The following ANKRD26 variants were observed in gnomAD, a reference collection of about 807,000 sequenced individuals.
ANKRD26 encodes the protein ankyrin repeat domain-containing protein 26.
ANKRD26 carries 141 observed loss-of-function variants against 208.7 expected under a neutral mutation model. The ratio of observed to expected loss-of-function variants is 0.68; its 90% CI spans 0.59 to 0.78. The LOEUF is 0.78. Ranked by LOEUF, ANKRD26 falls within the 30% of genes least tolerant of loss-of-function variation. The probability of loss-of-function intolerance (pLI) is 0.00; values close to 1 mark genes in which losing one functional copy is unlikely to be tolerated. For missense variants in ANKRD26, 1,889 were observed against 1,938.7 expected, an observed-to-expected ratio of 0.97 and a Z score of 0.48; for synonymous variants, 636 against 660.4, an observed-to-expected ratio of 0.96 and a Z score of 0.57.
At chr10:26,962,451 T>G in the ANKRD26 span, among the ~76,000 whole-genome samples, 1 of 151,978 alleles carries the variant, frequency 6.6e-6, no homozygotes, top group South Asian at 2.1e-4. Context: ...GGCGGGTGCC[T>G]GTAATCCCAG....
downstream of ANKRD26, among the ~76,000 whole-genome samples, chr10:26,972,038 A>G (rs899436847): frequency 3.3e-5 from 5 of 152,110 alleles, no homozygotes; most frequent in Admixed American, 1.3e-4. Flanking sequence ...GATCGAGACC[A>G]TCCTGGCTAA....
At chr10:26,992,540 A>AC (rs1288343110) in intron 5 of ANKRD26, among the ~76,000 whole-genome samples, 1 of 151,826 alleles carries the variant, frequency 6.6e-6, no homozygotes, top group Non-Finnish European at 1.5e-5. Context: ...TCCCAGATTT[A>AC]CAGCAAAATG....
chr10:27,007,948 G>A (rs954144021), intron 32 of ANKRD26, among the ~76,000 whole-genome samples: 1 of 151,838 alleles, frequency 6.6e-6, no homozygotes, highest in Non-Finnish European at 1.5e-5. Context: ...TCACAACTTG[G>A]TAGAATTATA....
At chr10:27,061,559 ATT>A (rs11399797) in intron 12 of ANKRD26, among the ~76,000 whole-genome samples, 10,714 of 134,084 alleles carry the variant, frequency 0.08, 409 homozygotes, top group African/African-American at 0.13. Context: ...TGCAACATCT[ATT>A]TTTTTTTTTT....
At chr10:26,992,818 G>A (rs1456389670) in intron 5 of ANKRD26, among the ~76,000 whole-genome samples, 2 of 152,064 alleles carry the variant, frequency 1.3e-5, no homozygotes, top group Non-Finnish European at 2.9e-5. Context: ...TGACAGGTTG[G>A]TTATCTGGGT....
chr10:27,053,182 G>A (rs574256218), intron 16 of ANKRD26, 138 bp downstream of exon 16: 2 of 617,938 alleles, frequency 3.2e-6, no homozygotes, highest in East Asian at 2.9e-5. Context: ...TAGTCAAAAC[G>A]TTTTTAATAC....
chr10:26,965,734 T>C, the ANKRD26 span, among the ~76,000 whole-genome samples: 2 of 152,232 alleles, frequency 1.3e-5, no homozygotes, highest in Non-Finnish European at 2.9e-5. Context: ...TCTACCCATC[T>C]GACAAAGGTC....
the ANKRD26 span, among the ~76,000 whole-genome samples, chr10:26,958,033 C>T: frequency 1.1e-4 from 16 of 150,890 alleles, no homozygotes; most frequent in Non-Finnish European, 2.1e-4. Flanking sequence ...TAAATGTGTG[C>T]CATGGTGGTT....
At chr10:27,086,434 A>T in intron 5 of ANKRD26, 105 bp downstream of exon 5, 1 of 1,454,192 alleles carries the variant, frequency 6.9e-7, no homozygotes, top group Non-Finnish European at 9.4e-7. Flanking sequence ...CATGCACCTT[A>T]TACACTGATT....
At chr10:27,082,570 G>A (rs930536120) in intron 6 of ANKRD26, among the ~76,000 whole-genome samples, 2 of 152,160 alleles carry the variant, frequency 1.3e-5, no homozygotes, top group Non-Finnish European at 2.9e-5. Flanking sequence ...AGCCAAGCAG[G>A]CTGATGGTCA....
chr10:27,084,896 GTACT>G (rs1053419001), intron 5 of ANKRD26, among the ~76,000 whole-genome samples: 54 of 149,660 alleles, frequency 3.6e-4, no homozygotes, highest in African/African-American at 1.2e-3. Context: ...AAAAATTTCT[GTACT>G]TACTTTTTTT....
chr10:27,093,483 G>A lies in ANKRD26; in HGVS notation c.397C>T (p.Leu133=), dbSNP rs763255356. ...CQEEKCATIL[L]EHGADPNLAD... Reference sequence around the variant, plus strand: ...AGATTTGGATCAGCACCATGTTCTAGCAGAATAGTTGCACATTTCTCTTCC... The same window carrying A: ...AGATTTGGATCAGCACCATGTTCTAACAGAATAGTTGCACATTTCTCTTCC... Residue 133 remains leucine (L), a synonymous_variant, in exon 3 of 34, where the codon CTA becomes TTA. Coordinates refer to ENST00000376087, the MANE Select transcript of ANKRD26 (RefSeq NM_014915.3). 1.2e-6 allele frequency: 2 copies of A among 1,614,196 alleles called. No individual in the cohort carries two copies. The highest frequency in any genetic ancestry group is 2.2e-5 in the South Asian group (2 of 91,088).
chr10:27,099,048 T>C (rs2135784873), intron 1 of ANKRD26, among the ~76,000 whole-genome samples: 1 of 152,244 alleles, frequency 6.6e-6, no homozygotes, highest in Middle Eastern at 3.4e-3. Flanking sequence ...TGGAGTGCAA[T>C]GGCACGATCT....
chr10:27,038,880 T>C (rs1472816190), intron 21 of ANKRD26, among the ~76,000 whole-genome samples: 2 of 152,170 alleles, frequency 1.3e-5, no homozygotes, highest in East Asian at 3.8e-4. Flanking sequence ...TAATTAAAGA[T>C]TAGGCTAACG....
the ANKRD26 span, among the ~76,000 whole-genome samples, chr10:26,949,973 T>G: frequency 6.6e-6 from 1 of 152,212 alleles, no homozygotes; most frequent in African/African-American, 2.4e-5. Flanking sequence ...AAAAACCAGA[T>G]TATTTATCCT....
the ANKRD26 span, among the ~76,000 whole-genome samples, chr10:26,948,699 GT>G: frequency 6.6e-6 from 1 of 152,176 alleles, no homozygotes; most frequent in Non-Finnish European, 1.5e-5. Flanking sequence ...TCTTATGACA[GT>G]TGTAATCAAA....
intron 9 of ANKRD26, among the ~76,000 whole-genome samples, chr10:27,071,911 G>A (rs1456309358): frequency 6.6e-6 from 1 of 152,210 alleles, no homozygotes; most frequent in East Asian, 1.9e-4. Flanking sequence ...CTGACTCCAG[G>A]AGGGACAGAG....
At chr10:27,063,844 A>C (rs1376171213) in intron 12 of ANKRD26, 144 bp downstream of exon 12, 2 of 716,372 alleles carry the variant, frequency 2.8e-6, no homozygotes, top group Non-Finnish European at 4.8e-6. Flanking sequence ...CCTAAGATAT[A>C]CAACTTATCA....
At chr10:27,029,054 CA>C in intron 26 of ANKRD26, 109 bp from the exon 27 acceptor site, 1 of 1,087,482 alleles carries the variant, frequency 9.2e-7, no homozygotes, top group Non-Finnish European at 1.3e-6. Flanking sequence ...TTAAAGATTT[CA>C]AAAGTAGGTG....
Sources: allele counts gnomAD v4.1 joint callset (sites outside exome capture counted in the v4.1 genomes callset), GRCh38; gene constraint gnomAD v4.1.1; transcripts MANE v1.5; gene names NCBI Gene and HGNC (gene_info 2026-07-23, HGNC 2026-07-21).